Variants in SLC2A9 observed in about 807,000 individuals in gnomAD.
The protein encoded by SLC2A9 is solute carrier family 2, facilitated glucose transporter member 9.
In SLC2A9, 39 loss-of-function variants were observed where a neutral mutation model predicts 50.6. That is an observed-to-expected ratio of 0.77 (90% CI 0.60 to 1.01). The LOEUF is 1.01. SLC2A9 is among the 50% of genes least tolerant of loss of function. The pLI, the probability that SLC2A9 is intolerant of heterozygous loss-of-function variation, is 0.00. For missense variants in SLC2A9, 686 were observed against 677.6 expected (o/e 1.01, Z -0.14); for synonymous variants, 324 against 276.9 (o/e 1.17, Z -1.69).
intron 3 of SLC2A9, among the ~76,000 whole-genome samples, chr4:9,812,344 T>G (rs1357404420): frequency 6.6e-6 from 1 of 152,196 alleles, no homozygotes; most frequent in Non-Finnish European, 1.5e-5. Context: ...CAACTTCCAC[T>G]TAAAGTTATT....
At chr4:9,805,095 A>C (rs1721952567) in intron 3 of SLC2A9, among the ~76,000 whole-genome samples, 1 of 152,096 alleles carries the variant, frequency 6.6e-6, no homozygotes, top group Non-Finnish European at 1.5e-5. Flanking sequence ...TGTGTCTCCC[A>C]CTGACTGAGT....
chr4:10,026,924 A>G (rs919055417), intron 1 of SLC2A9, among the ~76,000 whole-genome samples: 3 of 152,052 alleles, frequency 2.0e-5, no homozygotes, highest in Non-Finnish European at 4.4e-5. Flanking sequence ...GGCACCTGTA[A>G]TCCCAGCTAC....
At chr4:9,954,163 C>G (rs976369777) in intron 5 of SLC2A9, among the ~76,000 whole-genome samples, 2 of 152,190 alleles carry the variant, frequency 1.3e-5, no homozygotes, top group African/African-American at 4.8e-5. Flanking sequence ...GTCTCAAACT[C>G]CGGGGCTCAA....
At chr4:9,848,506 A>G (rs1729345839) in intron 10 of SLC2A9, among the ~76,000 whole-genome samples, 1 of 152,024 alleles carries the variant, frequency 6.6e-6, no homozygotes, top group African/African-American at 2.4e-5. Context: ...GGATTGCATC[A>G]TCATCTTTGC....
At chr4:9,836,698 C>T (rs746086499) in intron 10 of SLC2A9, among the ~76,000 whole-genome samples, 4 of 152,188 alleles carry the variant, frequency 2.6e-5, no homozygotes, top group African/African-American at 9.7e-5. Context: ...GGCTGCTATG[C>T]AGCAGTTGAG....
intron 7 of SLC2A9, among the ~76,000 whole-genome samples, chr4:9,918,723 T>C (rs10805346): frequency 0.51 from 77,804 of 152,058 alleles, 20,616 homozygotes; most frequent in East Asian, 0.69. Flanking sequence ...GCAGCTGGCC[T>C]GGGTTTCTCA....
intron 6 of SLC2A9, among the ~76,000 whole-genome samples, chr4:9,938,611 T>A (rs1229364519): frequency 6.6e-6 from 1 of 152,152 alleles, no homozygotes; most frequent in Non-Finnish European, 1.5e-5. Flanking sequence ...GCACGTTATG[T>A]CTTATAAATA....
At chr4:9,957,710 G>C (rs28513781) in intron 5 of SLC2A9, among the ~76,000 whole-genome samples, 73,409 of 151,914 alleles carry the variant, frequency 0.48, 19,087 homozygotes, top group African/African-American at 0.67. Flanking sequence ...AAAATACAGT[G>C]GACAAGTTGG....
At chr4:9,979,443 G>C (rs984699820) in intron 5 of SLC2A9, among the ~76,000 whole-genome samples, 1 of 152,118 alleles carries the variant, frequency 6.6e-6, no homozygotes. Flanking sequence ...ATCATTAGTG[G>C]TTTAATCTCT....
chr4:9,792,387 T>C (rs1246751610), intron 3 of SLC2A9, among the ~76,000 whole-genome samples: 5 of 151,122 alleles, frequency 3.3e-5, no homozygotes, highest in Non-Finnish European at 4.4e-5. Flanking sequence ...AAGATTGCAC[T>C]ACGTCACCCA....
intron 11 of SLC2A9, among the ~76,000 whole-genome samples, chr4:9,829,739 A>T (rs569126456): frequency 6.6e-6 from 1 of 151,994 alleles, no homozygotes; most frequent in Non-Finnish European, 1.5e-5. Context: ...AGACATTCAT[A>T]TGGCCAAAAA....
At chr4:9,803,204 T>C (rs1412709572) in intron 3 of SLC2A9, among the ~76,000 whole-genome samples, 1 of 152,222 alleles carries the variant, frequency 6.6e-6, no homozygotes, top group Non-Finnish European at 1.5e-5. Flanking sequence ...TAATAACAGT[T>C]GGGTTGTTTG....
chr4:9,783,698 C>A, intron 3 of SLC2A9: 1 of 530,788 alleles, frequency 1.9e-6, no homozygotes, highest in South Asian at 2.9e-5. Context: ...ACCAACGATC[C>A]TATGAGAGAA....
At chr4:9,885,440 T>C (rs2109707798) in intron 10 of SLC2A9, among the ~76,000 whole-genome samples, 1 of 152,328 alleles carries the variant, frequency 6.6e-6, no homozygotes, top group South Asian at 2.1e-4. Context: ...CCCAGCTGCC[T>C]CTTCCCTGGA....
intron 2 of SLC2A9, among the ~76,000 whole-genome samples, chr4:10,018,589 T>TAGATAGATAGATAGATAGATA (rs1553915108): frequency 6.6e-6 from 1 of 151,032 alleles, no homozygotes. Flanking sequence ...GATAGATAGA[T>TAGATAGATAGATAGATAGATA]AACAACAACA....
chr4:9,920,559 G>T lies in SLC2A9; in HGVS notation c.828C>A (p.Phe276Leu). The change falls in exon 7 of 12, where the codon TTC becomes TTA. Residue 276 changes from phenylalanine (F) to leucine (L), a missense_variant. By Grantham distance (22) the Phe-to-Leu change is conservative (BLOSUM62 0). Transcript: ENST00000264784. ...EARAVKAFQT[F>L]LGKADVSQEV... The stretch of plus-strand genomic sequence containing the variant: ...CTTGGGAAACGTCTGCTTTACCCAA[G>T]AACGTTTGGAAGGCTGCAAACAGAG... 6.2e-7 allele frequency: 1 copy of T among 1,614,150 alleles called. No homozygotes were observed. The highest frequency in any genetic ancestry group is 8.5e-7 in the Non-Finnish European group (1 of 1,180,040).
intron 8 of SLC2A9, among the ~76,000 whole-genome samples, chr4:9,900,466 A>T (rs114040800): frequency 0.011 from 1,599 of 150,862 alleles, 21 homozygotes; most frequent in African/African-American, 0.036. Flanking sequence ...TATTATTCAG[A>T]GCTTGGGGTG....
intron 10 of SLC2A9, among the ~76,000 whole-genome samples, chr4:9,877,350 G>A (rs1289488199): frequency 6.6e-6 from 1 of 152,218 alleles, no homozygotes; most frequent in Non-Finnish European, 1.5e-5. Flanking sequence ...GCAGGCTGGT[G>A]CACAGAGCCC....
intron 10 of SLC2A9, among the ~76,000 whole-genome samples, chr4:9,871,579 G>A (rs971860174): frequency 2.6e-5 from 4 of 151,952 alleles, no homozygotes; most frequent in Admixed American, 2.0e-4. Flanking sequence ...TGTCTTATAC[G>A]GACACCAGAC....
Sources: allele counts gnomAD v4.1 joint callset (sites outside exome capture counted in the v4.1 genomes callset), GRCh38; gene constraint gnomAD v4.1.1; transcripts MANE v1.5; gene names NCBI Gene and HGNC (gene_info 2026-07-23, HGNC 2026-07-21).